The following RCAN1 variants were observed in gnomAD, a reference collection of about 807,000 sequenced individuals.
RCAN1 encodes calcipressin-1.
In RCAN1, 11 loss-of-function variants were observed where a neutral mutation model predicts 22.9. The ratio of observed to expected loss-of-function variants is 0.48; its 90% CI spans 0.30 to 0.79. The LOEUF is 0.79. Ranked by LOEUF, RCAN1 falls within the 30% of genes least tolerant of loss-of-function variation. The pLI is 0.06. For synonymous variants in RCAN1, 136 were observed against 142.3 expected (o/e 0.96, Z 0.32); for missense variants, 291 against 337.8 (o/e 0.86, Z 1.09).
intron 1 of RCAN1, among the ~76,000 whole-genome samples, chr21:34,602,123 G>A (rs918315222): frequency 2.0e-5 from 3 of 152,012 alleles, no homozygotes. Flanking sequence ...TCCTTGATAC[G>A]ATCACAAACG....
intron 1 of RCAN1, among the ~76,000 whole-genome samples, chr21:34,604,008 C>G (rs1032635199): frequency 2.6e-5 from 4 of 152,224 alleles, no homozygotes; most frequent in Admixed American, 6.5e-5. Context: ...TAATTGCCAT[C>G]ATGACATTTG....
chr21:34,521,745 G>A, intron 2 of RCAN1, 87 bp from the exon 3 acceptor site: 1 of 1,149,948 alleles, frequency 8.7e-7, no homozygotes, highest in East Asian at 2.4e-5. Flanking sequence ...TCCGGGAGAT[G>A]GGCAGGTCAA....
intron 1 of RCAN1, among the ~76,000 whole-genome samples, chr21:34,596,383 G>C (rs1317204286): frequency 6.6e-6 from 1 of 152,194 alleles, no homozygotes; most frequent in African/African-American, 2.4e-5. Context: ...CCCAGGGACT[G>C]ATGCAGGGAA....
intron 1 of RCAN1, among the ~76,000 whole-genome samples, chr21:34,579,955 A>T (rs1987545661): frequency 6.6e-6 from 1 of 152,180 alleles, no homozygotes; most frequent in African/African-American, 2.4e-5. Context: ...ACCACTGCTA[A>T]CCTATCTCCT....
chr21:34,600,534 G>A (rs1271150391), intron 1 of RCAN1, among the ~76,000 whole-genome samples: 1 of 152,128 alleles, frequency 6.6e-6, no homozygotes, highest in East Asian at 1.9e-4. Context: ...GGAAAGGAAA[G>A]GAGGCGAGGA....
At chr21:34,605,921 G>GA (rs1166424278) in intron 1 of RCAN1, among the ~76,000 whole-genome samples, 76 of 10,138 alleles carry the variant, frequency 7.5e-3, no homozygotes, top group South Asian at 0.018. Flanking sequence ...CTCGGTCTCA[G>GA]AAAAAAAAAA....
Position 34,523,567 on chromosome 21 carries a change from C to T in RCAN1, c.396G>A (p.Leu132=). The change falls in exon 2 of 4, where the codon CTG becomes CTA. Residue 132 remains leucine (L), a synonymous_variant. Coordinates refer to ENST00000313806, the MANE Select transcript of RCAN1 (RefSeq NM_004414.7). The part of the protein sequence containing the change: ...ARLQLHKTEF[L]GKEMKLYFAQ... ...CAAAATATAACTTCATTTCCTTTCC[C>T]AGAAACTCAGTCTTATGCAGCTGGA... is the stretch of plus-strand genomic sequence containing the variant. 6.2e-7 allele frequency: 1 copy of T among 1,614,018 alleles called. No individual in the cohort carries two copies. The highest frequency in any genetic ancestry group is 8.5e-7 in the Non-Finnish European group (1 of 1,179,986).
In RCAN1 at chr21:34,574,398, GAAAATAT is replaced by G. The variant is rs547104773; in HGVS notation, c.252+40355_252+40361del. Among the ~76,000 whole-genome samples the G allele has an allele frequency of 7.8e-3, 1,194 of 152,260 alleles. 8 individuals carry two copies. The highest frequency in any genetic ancestry group is 0.024 in the South Asian group (117 of 4,828). ...ACTTTTCATTCTCTTTTCTAGGGGA[GAAAATAT>G]AAATGTAGTCCAGCAAAATGATGGC... On this transcript the variant is annotated intron_variant, in intron 1 of 3. Coordinates refer to ENST00000313806, the MANE Select transcript of RCAN1 (RefSeq NM_004414.7).
At chr21:34,569,881 G>A (rs1201617409) in intron 1 of RCAN1, among the ~76,000 whole-genome samples, 3 of 152,190 alleles carry the variant, frequency 2.0e-5, no homozygotes, top group East Asian at 1.9e-4. Flanking sequence ...ATTCCTTCCC[G>A]GATCCAGTCT....
chr21:34,530,627 T>TG (rs72007592), intron 1 of RCAN1, among the ~76,000 whole-genome samples: 22 of 80,070 alleles, frequency 2.7e-4, no homozygotes, highest in African/African-American at 8.0e-4. Context: ...TTTTTTTTTT[T>TG]TTTTTTTTTT....
At position 34,560,605 on chromosome 21, in the gene RCAN1, G is replaced by A. The variant is rs577470353; in HGVS notation, c.253-36895C>T. On this transcript the variant is annotated intron_variant, in intron 1 of 3. Coordinates refer to ENST00000313806, the MANE Select transcript of RCAN1 (RefSeq NM_004414.7). ...AATGATGAAGACAGGGCTTTATAAC[G>A]GAAACCATTTCTCAATTCTTTAATA... 5.9e-5 allele frequency among the ~76,000 whole-genome samples: 9 copies of A among 152,222 alleles called. No homozygotes were observed. In the South Asian group the frequency reaches 1.2e-3, roughly 21 times the overall value.
chr21:34,548,511 A>G (rs1015343498), intron 1 of RCAN1, among the ~76,000 whole-genome samples: 2 of 152,108 alleles, frequency 1.3e-5, no homozygotes, highest in African/African-American at 4.8e-5. Context: ...AATAAAAAAA[A>G]GTTAAGGCAG....
At chr21:34,565,026 C>CCAT (rs1393144945) in intron 1 of RCAN1, among the ~76,000 whole-genome samples, 4 of 141,640 alleles carry the variant, frequency 2.8e-5, no homozygotes, top group African/African-American at 1.1e-4. Context: ...AAGTGAGACC[C>CCAT]CATCTCTACC....
intron 1 of RCAN1, among the ~76,000 whole-genome samples, chr21:34,543,565 ATTGT>A (rs1332154451): frequency 6.6e-6 from 1 of 152,240 alleles, no homozygotes; most frequent in Non-Finnish European, 1.5e-5. Context: ...AGCCACTAAA[ATTGT>A]TTGGTAATCT....
chr21:34,534,708 A>G (rs1001957236), intron 1 of RCAN1, among the ~76,000 whole-genome samples: 2 of 152,194 alleles, frequency 1.3e-5, no homozygotes, highest in Non-Finnish European at 2.9e-5. Context: ...CAGGCCATTC[A>G]TTGTGGTCAC....
intron 1 of RCAN1, among the ~76,000 whole-genome samples, chr21:34,551,175 G>A (rs2284585): frequency 0.24 from 36,570 of 151,934 alleles, 5,081 homozygotes; most frequent in African/African-American, 0.39. Context: ...TGACGCTAAG[G>A]GAAAACATTA....
In RCAN1 at chr21:34,586,466, G is replaced by A. The variant is rs576815277; in HGVS notation, c.252+28294C>T. 2.0e-5 allele frequency among the ~76,000 whole-genome samples: 3 copies of A among 152,010 alleles called. No individual in the cohort carries two copies. In the South Asian group the frequency reaches 6.2e-4, roughly 32 times the overall value. ...TACAGATCAATGAAGAAATTATACT[G>A]GAAATCAGAAAATATCCTGAATTGG... On this transcript the variant is annotated intron_variant, in intron 1 of 3. Coordinates refer to ENST00000313806, the MANE Select transcript of RCAN1 (RefSeq NM_004414.7).
At chr21:34,555,552 A>G (rs1321809571) in intron 1 of RCAN1, among the ~76,000 whole-genome samples, 1 of 150,292 alleles carries the variant, frequency 6.7e-6, no homozygotes. Flanking sequence ...CAGCCTGGCG[A>G]CAGAGCAAGG....
chr21:34,526,827 G>A, intron 1 of RCAN1: 1 of 1,533,628 alleles, frequency 6.5e-7, no homozygotes, highest in East Asian at 2.5e-5. Context: ...GAGGCTGTAG[G>A]TTCCTTCTTG....
Sources: gnomAD v4.1 joint callset for allele counts (sites outside exome capture counted in the v4.1 genomes callset) on GRCh38, gnomAD v4.1.1 for gene constraint, MANE v1.5 for transcripts, NCBI Gene and HGNC (gene_info 2026-07-23, HGNC 2026-07-21) for gene names.